The following CD58 variants were observed in gnomAD, a reference collection of about 807,000 sequenced individuals.
CD58 encodes CD58 molecule.
Under a neutral mutation model 27.6 loss-of-function variants are expected in CD58, and 14 were observed. The observed-to-expected ratio is 0.51, with a 90% CI of 0.34 to 0.79. CD58 has a LOEUF of 0.79. Among genes scored for constraint, CD58 ranks in the 30% least tolerant of loss-of-function variants. CD58 has a pLI of 0.02. For synonymous variants in CD58, 117 were observed against 103.8 expected, an observed-to-expected ratio of 1.13 and a Z score of -0.77; for missense variants, 268 against 301.7, an observed-to-expected ratio of 0.89 and a Z score of 0.83.
rs910460647 is a variant in CD58, at chr1:116,552,968, T to C, written c.71-8364A>G. On this transcript the variant is annotated intron_variant, in intron 1 of 5. Transcript: ENST00000369489. This position sits in a 1 kb window ranked among gnomAD's most constrained non-coding sequence, Gnocchi z 4.5. ...TCCATCAGTAATGCCTGAGTTGCCC[T>C]TTCCTTGGACTCCTGACAGCATTAG... is the stretch of plus-strand genomic sequence containing the variant. Among the ~76,000 whole-genome samples, 2 of 152,186 alleles carry C rather than the reference T, an allele frequency of 1.3e-5. No individual in the cohort carries two copies. The highest frequency in any genetic ancestry group is 1.9e-4 in the East Asian group (1 of 5,194).
chr1:116,518,468 G>C (rs947061820), intron 5 of CD58, among the ~76,000 whole-genome samples: 8 of 152,088 alleles, frequency 5.3e-5, no homozygotes, highest in Admixed American at 2.6e-4. Flanking sequence ...TCTCCCTAAA[G>C]AATGACCCAA....
At chr1:116,564,152 A>G (rs1278560603) in intron 1 of CD58, among the ~76,000 whole-genome samples, 1 of 152,220 alleles carries the variant, frequency 6.6e-6, no homozygotes, top group Non-Finnish European at 1.5e-5. Context: ...TCAAGTTCAA[A>G]GTTCCACGTA....
intron 2 of CD58, among the ~76,000 whole-genome samples, chr1:116,542,665 C>A (rs1256461266): frequency 6.6e-6 from 1 of 152,102 alleles, no homozygotes; most frequent in Non-Finnish European, 1.5e-5. Context: ...GGGGGAAATT[C>A]TCATCAGGAG....
rs1658674119 is a variant in CD58, at chr1:116,559,178, A to G, written c.70+11725T>C. On this transcript the variant is annotated intron_variant, in intron 1 of 5. Transcript: ENST00000369489. The surrounding 1 kb of genome is among the most constrained non-coding windows in gnomAD (Gnocchi z 4.4). ...GGGGGCAGTCATAAGTTGGCATCTGAGCAGAGTCCAGAAAAGCAGGGGAGC... is the reference window on the plus strand; with the variant it reads ...GGGGGCAGTCATAAGTTGGCATCTGGGCAGAGTCCAGAAAAGCAGGGGAGC... 6.6e-6 allele frequency among the ~76,000 whole-genome samples: 1 copy of G among 152,192 alleles called. No homozygotes were observed. The highest frequency in any genetic ancestry group is 1.5e-5 in the Non-Finnish European group (1 of 68,042).
In CD58 at chr1:116,516,745, G is replaced by T. The variant is rs561419610; in HGVS notation, c.744-1923C>A. On this transcript the variant is annotated intron_variant, in intron 5 of 5. Transcript: ENST00000369489. This position sits in a 1 kb window ranked among gnomAD's most constrained non-coding sequence, Gnocchi z 6.1. ...CTGGCCTCTCCAATTCCTCTGCGTT[G>T]GTTGCTCAGCCCTTACCCTCATATC... 2.6e-5 allele frequency among the ~76,000 whole-genome samples: 4 copies of T among 152,236 alleles called. No homozygotes were observed. Among genetic ancestry groups the T allele is most frequent in the African/African-American group, 9.6e-5 (4 of 41,548 alleles).
Position 116,532,937 on chromosome 1 carries a change from T to C in CD58, c.628+3028A>G. The C allele has an allele frequency of 9.3e-7, 1 of 1,072,990 alleles. No homozygotes were observed. Among genetic ancestry groups the C allele is most frequent in the Non-Finnish European group, 1.4e-6 (1 of 731,622 alleles). 66.5% of individuals were successfully genotyped at this position (1,072,990 alleles called of 1,614,324 possible). On this transcript the variant is annotated intron_variant, in intron 3 of 5. Transcript: ENST00000369489. This position sits in a 1 kb window ranked among gnomAD's most constrained non-coding sequence, Gnocchi z 5.1. ...CTGCCAGGCGCCCACCTCCACTTCC[T>C]ACTGCTGCTTGCATTCCGCCGGCTG...
intron 1 of CD58, among the ~76,000 whole-genome samples, chr1:116,569,982 C>G (rs901352122): frequency 6.6e-6 from 1 of 152,216 alleles, no homozygotes; most frequent in Admixed American, 6.5e-5. Context: ...GGCTGTCTTC[C>G]ATAGATGCAC....
At chr1:116,548,854 G>T (rs370553604) in intron 1 of CD58, among the ~76,000 whole-genome samples, 7 of 152,142 alleles carry the variant, frequency 4.6e-5, no homozygotes, top group Non-Finnish European at 2.9e-5. Context: ...ACTCTCTGCT[G>T]GTTATATGTT....
rs559659393 is a variant in CD58, at chr1:116,553,768, G to A, written c.71-9164C>T. ...TCACATTTCTAGTGGCTCCAATGGA[G>A]GCCATTAGGACCATCACCTTGGGAG... On this transcript the variant is annotated intron_variant, in intron 1 of 5. Coordinates refer to ENST00000369489, the MANE Select transcript of CD58 (RefSeq NM_001779.3). Among the ~76,000 whole-genome samples the A allele has an allele frequency of 3.0e-4, 46 of 152,292 alleles. 1 individual carries two copies. The South Asian group carries it at 7.5e-3, about 25-fold the overall frequency.
rs977251667 is a variant in CD58 at position 116,559,084 on chromosome 1, C to T, written c.70+11819G>A. 4.6e-5 allele frequency among the ~76,000 whole-genome samples: 7 copies of T among 151,904 alleles called. No homozygotes were observed. Among genetic ancestry groups the T allele is most frequent in the Non-Finnish European group, 1.0e-4 (7 of 67,990 alleles). The stretch of plus-strand genomic sequence containing the variant: ...GGATGATGTTGGATGATGTTAAGTG[C>T]TATAGAGAAAAATAAAGCAGAGTGT... On this transcript the variant is annotated intron_variant, in intron 1 of 5. Coordinates refer to ENST00000369489, the MANE Select transcript of CD58 (RefSeq NM_001779.3). This position sits in a 1 kb window ranked among gnomAD's most constrained non-coding sequence, Gnocchi z 4.4.
Position 116,521,308 on chromosome 1 carries a change from G to C in CD58, c.706+598C>G, listed in dbSNP as rs1657254885. On this transcript the variant is annotated intron_variant, in intron 4 of 5. Coordinates refer to ENST00000369489, the MANE Select transcript of CD58 (RefSeq NM_001779.3). The surrounding 1 kb of genome is among the most constrained non-coding windows in gnomAD (Gnocchi z 5.6). Reference sequence around the variant, plus strand: ...TGGCATCAAGAATATCCACTCTTCAGAATTACAGCCTGCTCCCTGTCCTTT... The same window carrying C: ...TGGCATCAAGAATATCCACTCTTCACAATTACAGCCTGCTCCCTGTCCTTT... 6.6e-6 allele frequency among the ~76,000 whole-genome samples: 1 copy of C among 152,122 alleles called. No homozygotes were observed. The highest frequency in any genetic ancestry group is 2.4e-5 in the African/African-American group (1 of 41,414).
In CD58 at chr1:116,570,389, G is replaced by A. The variant is rs1659099708; in HGVS notation, c.70+514C>T. ...CCTAGTTGCCTACCCGCTCCTCGCT[G>A]TGGGGCGATTCTGAAAAGTCCTCTC... On this transcript the variant is annotated intron_variant, in intron 1 of 5. Coordinates refer to ENST00000369489, the MANE Select transcript of CD58 (RefSeq NM_001779.3). The surrounding 1 kb of genome is among the most constrained non-coding windows in gnomAD (Gnocchi z 6.4). Among the ~76,000 whole-genome samples the A allele has an allele frequency of 6.6e-6, 1 of 152,174 alleles. No homozygotes were observed.
intron 1 of CD58, among the ~76,000 whole-genome samples, chr1:116,554,289 G>C (rs1450790424): frequency 6.6e-6 from 1 of 151,836 alleles, no homozygotes; most frequent in Non-Finnish European, 1.5e-5. Flanking sequence ...TTTTAAAAAA[G>C]GAAACAGGAT....
intron 1 of CD58, among the ~76,000 whole-genome samples, chr1:116,548,999 G>A (rs1003373241): frequency 5.3e-5 from 8 of 152,098 alleles, no homozygotes; most frequent in Non-Finnish European, 4.4e-5. Flanking sequence ...AGTTTATGGC[G>A]GCACAATGAC....
At chr1:116,539,326 G>A (rs1056857850) in intron 2 of CD58, among the ~76,000 whole-genome samples, 1 of 152,126 alleles carries the variant, frequency 6.6e-6, no homozygotes, top group African/African-American at 2.4e-5. Flanking sequence ...TGTGTGACCT[G>A]GGGCCACAGT....
chr1:116,541,545 G>A lies in CD58; in HGVS notation c.364+2766C>T, dbSNP rs1056028366. Among the ~76,000 whole-genome samples, 2 of 152,206 alleles carry A rather than the reference G, an allele frequency of 1.3e-5. No homozygotes were observed. Among genetic ancestry groups the A allele is most frequent in the African/African-American group, 4.8e-5 (2 of 41,456 alleles). ...ACAACTTCCTGGTAGAGTGAATGTG[G>A]TATTCAAGAAAAAGAGAGGTATCAA... On this transcript the variant is annotated intron_variant, in intron 2 of 5. Coordinates refer to ENST00000369489, the MANE Select transcript of CD58 (RefSeq NM_001779.3). The surrounding 1 kb of genome is among the most constrained non-coding windows in gnomAD (Gnocchi z 5.3).
intron 5 of CD58, 71 bp from the exon 6 acceptor site, chr1:116,514,893 T>C: frequency 2.9e-6 from 3 of 1,052,460 alleles, no homozygotes; most frequent in Non-Finnish European, 4.4e-6. Context: ...GAGTCTTAAT[T>C]ACCCTCCTAT....
intron 1 of CD58, among the ~76,000 whole-genome samples, chr1:116,566,798 G>A (rs1256635334): frequency 1.3e-5 from 2 of 152,220 alleles, no homozygotes; most frequent in East Asian, 1.9e-4. Context: ...GTGTGCAAAA[G>A]CTATCCATTA....
rs1277384208 is a variant in CD58 at position 116,544,602 on chromosome 1, A to C, written c.73T>G (p.Phe25Val). The C allele has an allele frequency of 6.4e-7, 1 of 1,555,508 alleles. No homozygotes were observed. The highest frequency in any genetic ancestry group is 2.3e-5 in the East Asian group (1 of 44,210). ...SVVCLLHCFGFISCFSQQIYG... is the reference protein window; with the variant it reads ...SVVCLLHCFGVISCFSQQIYG... ...ATTTGTTGGGAAAAACAGCTGATGA[A>C]ACCTAGGAGAGAAAAAAAAATTGGT... The change falls in exon 2 of 6, where the codon TTC becomes GTC. Residue 25 changes from phenylalanine (F) to valine (V), a missense_variant and splice_region_variant. By Grantham distance (50) the Phe-to-Val change is conservative. Coordinates refer to ENST00000369489, the MANE Select transcript of CD58 (RefSeq NM_001779.3).
Sources: gnomAD v4.1 joint callset for allele counts (sites outside exome capture counted in the v4.1 genomes callset) on GRCh38, gnomAD v4.1.1 for gene constraint, Gnocchi (gnomAD v3.1) non-coding constraint, MANE v1.5 for transcripts, NCBI Gene and HGNC (gene_info 2026-07-23, HGNC 2026-07-21) for gene names.